TACO1: variants seen among roughly 807,000 people sequenced by gnomAD.
TACO1 encodes translational activator of cytochrome c oxidase 1.
Under a neutral mutation model 24.0 loss-of-function variants are expected in TACO1, and 13 were observed. The observed-to-expected ratio is 0.54, with a 90% CI of 0.35 to 0.86. The LOEUF (loss-of-function observed/expected upper bound fraction) is 0.86, where lower values mean the gene tolerates loss of function less well. Among genes scored for constraint, TACO1 ranks in the 40% least tolerant of loss-of-function variants. The probability of loss-of-function intolerance (pLI) is 0.01; values close to 1 mark genes in which losing one functional copy is unlikely to be tolerated. For missense variants in TACO1, 352 were observed against 380.1 expected, an observed-to-expected ratio of 0.93 and a Z score of 0.61; for synonymous variants, 149 against 153.5, an observed-to-expected ratio of 0.97 and a Z score of 0.22.
intron 1 of TACO1, among the ~76,000 whole-genome samples, chr17:63,602,420 T>A (rs1043519164): frequency 6.6e-6 from 1 of 152,174 alleles, no homozygotes; most frequent in Admixed American, 6.5e-5. Context: ...TGGCACATCA[T>A]AGGCATTCAG....
At position 63,606,548 on chromosome 17, in the gene TACO1, GT is replaced by G. The variant is rs1216729870; in HGVS notation, c.515+115del. 6.1e-6 allele frequency: 9 copies of G among 1,479,438 alleles called. No individual in the cohort carries two copies. In the East Asian group the frequency reaches 1.6e-4, roughly 26 times the overall value. 91.6% of individuals were successfully genotyped at this position (1,479,438 alleles called of 1,614,324 possible). ...CTAGTGTTTCAGGGTTTTGTTTTTT[GT>G]TTTTTTGTTTTTTGAGACGGAGTCT... On this transcript the variant is annotated intron_variant, in intron 3 of 4. Coordinates refer to ENST00000258975, the MANE Select transcript of TACO1 (RefSeq NM_016360.4).
chr17:63,601,812 T>C (rs375331993), intron 1 of TACO1, among the ~76,000 whole-genome samples: 14 of 152,246 alleles, frequency 9.2e-5, no homozygotes, highest in East Asian at 5.8e-4. Flanking sequence ...TAGGCCTTAG[T>C]TTGCTTCATT....
intron 1 of TACO1, among the ~76,000 whole-genome samples, chr17:63,603,109 G>A (rs557079305): frequency 1.2e-4 from 19 of 152,036 alleles, no homozygotes; most frequent in African/African-American, 4.3e-4. Context: ...GGTGGCGGGC[G>A]CCTATAGTCC....
At chr17:63,606,209 G>C (rs1267453952) in intron 2 of TACO1, 104 bp from the exon 3 acceptor site, 1 of 1,440,852 alleles carries the variant, frequency 6.9e-7, no homozygotes, top group Non-Finnish European at 9.8e-7. Context: ...CTCCAGCCTA[G>C]AGAGCCCATC....
chr17:63,603,806 A>G (rs557020325), intron 1 of TACO1, among the ~76,000 whole-genome samples: 1 of 152,244 alleles, frequency 6.6e-6, no homozygotes, highest in East Asian at 1.9e-4. Flanking sequence ...ACTTGAGCTC[A>G]GGAGTTTGAG....
At chr17:63,605,007 CTG>C (rs2147787803) in intron 2 of TACO1, among the ~76,000 whole-genome samples, 1 of 148,568 alleles carries the variant, frequency 6.7e-6, no homozygotes, top group East Asian at 2.0e-4. Flanking sequence ...GAGCGAGACT[CTG>C]TCTCAAAAAA....
At chr17:63,606,185 A>T in intron 2 of TACO1, 128 bp from the exon 3 acceptor site, 1 of 1,233,422 alleles carries the variant, frequency 8.1e-7, no homozygotes, top group Non-Finnish European at 1.2e-6. Context: ...AAAAATAAAG[A>T]TTGAGAGCTC....
chr17:63,602,095 A>AAC (rs2033826307), intron 1 of TACO1, among the ~76,000 whole-genome samples: 1 of 149,802 alleles, frequency 6.7e-6, no homozygotes, highest in Admixed American at 6.6e-5. Context: ...AATAACAAAA[A>AAC]AAAAAAAAAA....
In TACO1 at chr17:63,607,324, A is replaced by C. The variant is rs761495546; in HGVS notation, c.553A>C (p.Lys185Gln). ...MAVGARHSFDKKGVIVVEVED... is the reference protein window; with the variant it reads ...MAVGARHSFDQKGVIVVEVED... ...TGTAGGAGCTCGTCACTCTTTTGAC[A>C]AAAAGGGGGTGATTGTGGTTGAAGT... The change falls in exon 4 of 5, where the codon AAA becomes CAA. Residue 185 changes from lysine (K) to glutamine (Q), a missense_variant. Transcript: ENST00000258975. The C allele has an allele frequency of 3.7e-6, 6 of 1,614,116 alleles. No homozygotes were observed. The highest frequency in any genetic ancestry group is 5.1e-6 in the Non-Finnish European group (6 of 1,180,018).
At chr17:63,606,195 C>G in intron 2 of TACO1, 118 bp from the exon 3 acceptor site, 3 of 1,325,616 alleles carry the variant, frequency 2.3e-6, no homozygotes, top group Admixed American at 1.7e-5. Flanking sequence ...ATTGAGAGCT[C>G]AGGCTCCAGC....
rs150060600 is a variant in TACO1, at chr17:63,605,363, G to A, written c.387+723G>A. On this transcript the variant is annotated intron_variant, in intron 2 of 4. Transcript: ENST00000258975. ...GGAGGGGCAGGTATATAGAGTCCAC[G>A]TAAGGGTACACCTTTCTCTGGGGCA... is the stretch of plus-strand genomic sequence containing the variant. 8.2e-3 allele frequency among the ~76,000 whole-genome samples: 1,249 copies of A among 152,278 alleles called. 17 individuals carry two copies. The highest frequency in any genetic ancestry group is 0.028 in the African/African-American group (1,172 of 41,566).
chr17:63,605,384 G>C (rs1598045281), intron 2 of TACO1, among the ~76,000 whole-genome samples: 1 of 152,126 alleles, frequency 6.6e-6, no homozygotes, highest in East Asian at 1.9e-4. Flanking sequence ...CCTTTCTCTG[G>C]GGCAGGTAGG....
intron 1 of TACO1, among the ~76,000 whole-genome samples, chr17:63,601,694 G>T (rs961040271): frequency 6.6e-6 from 1 of 152,200 alleles, no homozygotes; most frequent in Admixed American, 6.5e-5. Context: ...GCAGATGTGT[G>T]TCTCTCCTGA....
intron 1 of TACO1, among the ~76,000 whole-genome samples, chr17:63,602,518 T>A (rs2033830087): frequency 6.6e-6 from 1 of 151,708 alleles, no homozygotes. Flanking sequence ...CAAGCAACTT[T>A]TATTTATTTA....
intron 1 of TACO1, among the ~76,000 whole-genome samples, chr17:63,603,868 A>T (rs112684319): frequency 0.033 from 4,930 of 150,096 alleles, 269 homozygotes; most frequent in African/African-American, 0.12. Flanking sequence ...ATACGAAAAA[A>T]ATTACCTGGG....
At position 63,607,834 on chromosome 17, in the gene TACO1, G is replaced by A; in HGVS notation, c.726G>A (p.Val242=). The A allele has an allele frequency of 6.2e-7, 1 of 1,614,134 alleles. No homozygotes were observed. Among genetic ancestry groups the A allele is most frequent in the Non-Finnish European group, 8.5e-7 (1 of 1,180,016 alleles). ...GTGATGCCTCTTCACTGCACCAAGT[G>A]AGGAAGAAGCTGGACTCCCTGGGCC... is the stretch of plus-strand genomic sequence containing the variant. ...FICDASSLHQ[V]RKKLDSLGLC... Residue 242 remains valine, a synonymous_variant, in exon 5 of 5, where the codon GTG becomes GTA. Transcript: ENST00000258975.
Position 63,607,839 on chromosome 17 carries a change from A to G in TACO1, c.731A>G (p.Lys244Arg). Residue 244 changes from lysine to arginine, a missense_variant, in exon 5 of 5, where the codon AAG (lysine) becomes AGG (arginine). Physicochemically the swap from Lys to Arg is conservative, Grantham distance 26. Transcript: ENST00000258975. ...CDASSLHQVR[K>R]KLDSLGLCSV... ...GCCTCTTCACTGCACCAAGTGAGGAAGAAGCTGGACTCCCTGGGCCTGTGT... is the reference window on the plus strand; with the variant it reads ...GCCTCTTCACTGCACCAAGTGAGGAGGAAGCTGGACTCCCTGGGCCTGTGT... The G allele has an allele frequency of 6.2e-7, 1 of 1,614,176 alleles. No homozygotes were observed. Among genetic ancestry groups the G allele is most frequent in the Non-Finnish European group, 8.5e-7 (1 of 1,180,042 alleles).
rs1373640531 is a variant in TACO1, at chr17:63,607,858, C to A, written c.750C>A (p.Gly250=). ...TGAGGAAGAAGCTGGACTCCCTGGGCCTGTGTTCTGTGTCCTGTGCACTAG... is the reference window on the plus strand; with the variant it reads ...TGAGGAAGAAGCTGGACTCCCTGGGACTGTGTTCTGTGTCCTGTGCACTAG... The part of the protein sequence containing the change: ...HQVRKKLDSL[G]LCSVSCALEF... The change falls in exon 5 of 5, where the codon GGC becomes GGA. Residue 250 remains glycine, a synonymous_variant. Coordinates refer to ENST00000258975, the MANE Select transcript of TACO1 (RefSeq NM_016360.4). The A allele has an allele frequency of 6.2e-7, 1 of 1,614,186 alleles. No individual in the cohort carries two copies. Among genetic ancestry groups the A allele is most frequent in the South Asian group, 1.1e-5 (1 of 91,082 alleles).
intron 1 of TACO1, among the ~76,000 whole-genome samples, chr17:63,601,623 T>C (rs1568111029): frequency 6.6e-6 from 1 of 152,136 alleles, no homozygotes; most frequent in Non-Finnish European, 1.5e-5. Flanking sequence ...GCCGGTAAGG[T>C]AGAAGTGACT....
Sources: allele counts gnomAD v4.1 joint callset (sites outside exome capture counted in the v4.1 genomes callset), GRCh38; gene constraint gnomAD v4.1.1; transcripts MANE v1.5; gene names NCBI Gene and HGNC (gene_info 2026-07-23, HGNC 2026-07-21).